The following RBL2 variants were observed in gnomAD, a reference collection of about 807,000 sequenced individuals.
The protein encoded by RBL2 is RB transcriptional corepressor like 2.
Under a neutral mutation model 126.0 loss-of-function variants are expected in RBL2, and 56 were observed. The observed-to-expected ratio is 0.44, with a 90% CI of 0.36 to 0.56. The LOEUF is 0.56. Ranked by LOEUF, RBL2 falls within the 20% of genes least tolerant of loss-of-function variation. The probability of loss-of-function intolerance (pLI) is 0.00; values close to 1 mark genes in which losing one functional copy is unlikely to be tolerated. For synonymous variants in RBL2, 454 were observed against 478.5 expected (o/e 0.95, Z 0.67); for missense variants, 1,229 against 1,398.2 (o/e 0.88, Z 1.93).
intron 3 of RBL2, chr16:53,445,810 G>A (rs1020749679): frequency 1.3e-5 from 2 of 152,212 alleles, no homozygotes; most frequent in Non-Finnish European, 2.9e-5. Flanking sequence ...AGCGAGATGA[G>A]GCAGGTATGA....
chr16:53,487,303 A>C (rs1204244949), intron 21 of RBL2, among the ~76,000 whole-genome samples: 1 of 152,250 alleles, frequency 6.6e-6, no homozygotes, highest in Admixed American at 6.5e-5. Context: ...CTGTATTATA[A>C]CACCACAGTA....
At chr16:53,478,994 G>A (rs1960837795) in intron 17 of RBL2, 160 bp from the exon 18 acceptor site, 1 of 608,836 alleles carries the variant, frequency 1.6e-6, no homozygotes. Flanking sequence ...TTGAATCGAT[G>A]TATCTTCATT....
intron 1 of RBL2, among the ~76,000 whole-genome samples, chr16:53,435,116 A>G (rs2057944991): frequency 6.6e-6 from 1 of 151,968 alleles, no homozygotes; most frequent in Non-Finnish European, 1.5e-5. Flanking sequence ...TTGTTAGTAG[A>G]ATGAACTAGT....
intron 11 of RBL2, 145 bp from the exon 12 acceptor site, chr16:53,464,080 GA>G (rs2058249217): frequency 1.8e-6 from 1 of 558,296 alleles, no homozygotes; most frequent in South Asian, 5.1e-5. Flanking sequence ...ATATAATTAA[GA>G]AAGGTTTTGT....
intron 3 of RBL2, among the ~76,000 whole-genome samples, chr16:53,446,236 A>G (rs2058060956): frequency 1.3e-5 from 2 of 152,346 alleles, no homozygotes; most frequent in East Asian, 1.9e-4. Flanking sequence ...AAAGCAGAAC[A>G]CTGACATTTA....
At chr16:53,472,545 T>C (rs557212403) in intron 17 of RBL2, among the ~76,000 whole-genome samples, 1 of 152,354 alleles carries the variant, frequency 6.6e-6, no homozygotes, top group East Asian at 1.9e-4. Flanking sequence ...GCCATTTGCA[T>C]ATCTTATTTG....
intron 2 of RBL2, among the ~76,000 whole-genome samples, chr16:53,441,945 T>C (rs2058020427): frequency 6.6e-6 from 1 of 152,040 alleles, no homozygotes; most frequent in Admixed American, 6.6e-5. Flanking sequence ...CTCAGCCTCC[T>C]GAGTAGCTGG....
intron 8 of RBL2, among the ~76,000 whole-genome samples, chr16:53,458,885 C>T (rs892665247): frequency 2.0e-5 from 3 of 152,204 alleles, no homozygotes; most frequent in African/African-American, 7.2e-5. Context: ...GGGTGCCTCA[C>T]ACAGCACATG....
intron 1 of RBL2, among the ~76,000 whole-genome samples, chr16:53,437,859 C>G (rs2057973687): frequency 6.6e-6 from 1 of 151,762 alleles, no homozygotes; most frequent in Non-Finnish European, 1.5e-5. Flanking sequence ...AACCCAGTCT[C>G]TACTAAAAAT....
intron 17 of RBL2, among the ~76,000 whole-genome samples, chr16:53,471,378 T>G (rs1485611337): frequency 6.6e-6 from 1 of 152,214 alleles, no homozygotes. Context: ...AATAAAGATT[T>G]TAGTTTCTCC....
intron 17 of RBL2, among the ~76,000 whole-genome samples, chr16:53,475,643 A>T (rs1465096648): frequency 6.6e-6 from 1 of 151,752 alleles, no homozygotes; most frequent in Non-Finnish European, 1.5e-5. Context: ...TTCTTTATTC[A>T]TTAGTATATA....
intron 5 of RBL2, among the ~76,000 whole-genome samples, chr16:53,453,094 A>AT (rs1273297314): frequency 6.6e-6 from 1 of 152,088 alleles, no homozygotes. Flanking sequence ...GAACAGTGTA[A>AT]TTTTTTTAAA....
chr16:53,457,277 T>TTTTTTTTTTTTTTTTTTTTTTTTTTTTG (rs1213898728), intron 8 of RBL2, among the ~76,000 whole-genome samples: 8 of 139,976 alleles, frequency 5.7e-5, no homozygotes, highest in Admixed American at 2.2e-4. Context: ...TTTTTTTTTT[T>TTTTTTTTTTTTTTTTTTTTTTTTTTTTG]GAGATGGAGT....
At chr16:53,453,915 A>C (rs933297799) in intron 7 of RBL2, 146 bp downstream of exon 7, 1 of 668,924 alleles carries the variant, frequency 1.5e-6, no homozygotes, top group Admixed American at 3.3e-5. Flanking sequence ...TGTCACCTAA[A>C]TATAAGCACA....
chr16:53,461,688 C>T lies in RBL2; in HGVS notation c.1347-53C>T, dbSNP rs1470473416. 4.6e-6 allele frequency: 6 copies of T among 1,296,952 alleles called. No homozygotes were observed. In the African/African-American group the frequency reaches 6.1e-5, roughly 13 times the overall value. The allele number at this position is 1,296,952 out of a possible 1,614,324, so 80.3% of individuals were successfully genotyped here. ...TGAAATTATAGAAACATTTTATCCC[C>T]TTGTGACTTGACAAGACCTTTAAAT... On this transcript the variant is annotated intron_variant, in intron 9 of 21. Coordinates refer to ENST00000262133, the MANE Select transcript of RBL2 (RefSeq NM_005611.4).
intron 8 of RBL2, 56 bp downstream of exon 8, chr16:53,454,898 CT>C: frequency 2.1e-6 from 3 of 1,403,254 alleles, no homozygotes; most frequent in Non-Finnish European, 2.8e-6. Flanking sequence ...GCCAGGGGTT[CT>C]TTTTTATTTT....
At chr16:53,444,060 C>A (rs1250218660) in intron 3 of RBL2, among the ~76,000 whole-genome samples, 1 of 151,982 alleles carries the variant, frequency 6.6e-6, no homozygotes, top group East Asian at 1.9e-4. Flanking sequence ...ACCAGCCTGG[C>A]CAACGTGGCA....
rs76248509 is a variant in RBL2 at position 53,461,660 on chromosome 16, T to A, written c.1347-81T>A. 1.9e-3 allele frequency: 1,734 copies of A among 928,094 alleles called. 33 individuals carry two copies. The African/African-American group carries it at 0.026, about 14-fold the overall frequency. 57.5% of individuals were successfully genotyped at this position (928,094 alleles called of 1,614,324 possible). On this transcript the variant is annotated intron_variant, in intron 9 of 21. Coordinates refer to ENST00000262133, the MANE Select transcript of RBL2 (RefSeq NM_005611.4). The stretch of plus-strand genomic sequence containing the variant: ...TTCAGAGTGTTTTATATTTACATGT[T>A]AGTGAAATTATAGAAACATTTTATC...
intron 21 of RBL2, 82 bp downstream of exon 21, chr16:53,481,917 A>C: frequency 2.7e-6 from 4 of 1,469,428 alleles, no homozygotes; most frequent in Non-Finnish European, 3.8e-6. Flanking sequence ...AAGCTTAGGC[A>C]CTCATTAGAG....
Sources: allele counts gnomAD v4.1 joint callset (sites outside exome capture counted in the v4.1 genomes callset), GRCh38; gene constraint gnomAD v4.1.1; transcripts MANE v1.5; gene names NCBI Gene and HGNC (gene_info 2026-07-23, HGNC 2026-07-21).